DNAJC6: variants seen among roughly 807,000 people sequenced by gnomAD.
DNAJC6 encodes auxilin.
DNAJC6 carries 34 observed loss-of-function variants against 110.0 expected under a neutral mutation model. That is an observed-to-expected ratio of 0.31 (90% CI 0.24 to 0.41). DNAJC6 has a LOEUF of 0.41. DNAJC6 is among the 10% of genes least tolerant of loss of function. The probability of loss-of-function intolerance (pLI) is 1.00; values close to 1 mark genes in which losing one functional copy is unlikely to be tolerated. For missense variants in DNAJC6, 1,031 were observed against 1,207.8 expected, an observed-to-expected ratio of 0.85 and a Z score of 2.17; for synonymous variants, 406 against 437.2, an observed-to-expected ratio of 0.93 and a Z score of 0.89.
intron 1 of DNAJC6, among the ~76,000 whole-genome samples, chr1:65,284,000 G>C (rs1011556533): frequency 1.3e-5 from 2 of 152,032 alleles, no homozygotes; most frequent in African/African-American, 4.8e-5. Flanking sequence ...CCATGACCTT[G>C]ACCTGACTTC....
chr1:65,375,049 C>G lies in DNAJC6; in HGVS notation c.544-4353C>G, dbSNP rs534851502. The stretch of plus-strand genomic sequence containing the variant: ...AGTGATCTTGACTCACTGCAACCTC[C>G]GCCTCCTGGATTCAAGCAGTTCTCC... On this transcript the variant is annotated intron_variant, in intron 4 of 18. Transcript: ENST00000371069. 2.0e-5 allele frequency among the ~76,000 whole-genome samples: 3 copies of G among 151,528 alleles called. No homozygotes were observed. The South Asian group carries it at 6.3e-4, about 32-fold the overall frequency.
intron 1 of DNAJC6, among the ~76,000 whole-genome samples, chr1:65,341,911 G>A (rs1488837178): frequency 1.3e-5 from 2 of 152,116 alleles, no homozygotes; most frequent in South Asian, 2.1e-4. Context: ...TAGCTGGATT[G>A]TAGTTTTCCA....
At chr1:65,289,680 A>G (rs2101221458) in intron 1 of DNAJC6, among the ~76,000 whole-genome samples, 1 of 152,286 alleles carries the variant, frequency 6.6e-6, no homozygotes, top group East Asian at 1.9e-4. Context: ...CAGAACCATA[A>G]GATACAAATA....
intron 1 of DNAJC6, among the ~76,000 whole-genome samples, chr1:65,360,889 G>T (rs759467956): frequency 6.6e-6 from 1 of 152,144 alleles, no homozygotes; most frequent in East Asian, 1.9e-4. Flanking sequence ...GATATCTGCC[G>T]CTGAGAGCAG....
At chr1:65,360,408 G>A (rs1645586442) in intron 1 of DNAJC6, among the ~76,000 whole-genome samples, 1 of 152,134 alleles carries the variant, frequency 6.6e-6, no homozygotes, top group Admixed American at 6.6e-5. Flanking sequence ...GATAATCAAG[G>A]ATATTTATAT....
intron 15 of DNAJC6, 72 bp from the exon 16 acceptor site, chr1:65,405,798 C>T (rs751277078): frequency 3.3e-5 from 49 of 1,501,798 alleles, no homozygotes; most frequent in African/African-American, 2.0e-4. Flanking sequence ...CCACTGCAAA[C>T]AGTGTCTTAA....
chr1:65,381,957 G>A (rs971449122), intron 5 of DNAJC6, among the ~76,000 whole-genome samples: 3 of 152,228 alleles, frequency 2.0e-5, no homozygotes, highest in East Asian at 1.9e-4. Context: ...ACACAATACC[G>A]AAAGCACTTG....
rs901373262 is a variant in DNAJC6 at position 65,324,518 on chromosome 1, T to C, written c.193+14580T>C. Among the ~76,000 whole-genome samples the C allele has an allele frequency of 2.6e-5, 4 of 151,770 alleles. No individual in the cohort carries two copies. The South Asian group carries it at 6.2e-4, about 24-fold the overall frequency. On this transcript the variant is annotated intron_variant, in intron 1 of 18. Coordinates refer to ENST00000371069, the MANE Select transcript of DNAJC6 (RefSeq NM_001256864.2). Reference sequence around the variant, plus strand: ...GGATTATAGGCACCCACCACCATGGTTGGCTAATTTTTGTATTTTTAGTAG... The same window carrying C: ...GGATTATAGGCACCCACCACCATGGCTGGCTAATTTTTGTATTTTTAGTAG...
chr1:65,385,787 G>C lies in DNAJC6; in HGVS notation c.876G>C (p.Ser292=). 1 of 1,614,018 alleles carries C rather than the reference G, an allele frequency of 6.2e-7. No individual in the cohort carries two copies. Among genetic ancestry groups the C allele is most frequent in the Non-Finnish European group, 8.5e-7 (1 of 1,179,966 alleles). Residue 292 remains serine, a synonymous_variant, in exon 7 of 19, where the codon TCG becomes TCC. Transcript: ENST00000371069. ...RPHFKPLTIK[S]ITVSPIPFFN... ...ACTTCAAGCCTCTCACAATTAAGTCGATCACTGTCAGTCCAATACCCTTTT... is the reference window on the plus strand; with the variant it reads ...ACTTCAAGCCTCTCACAATTAAGTCCATCACTGTCAGTCCAATACCCTTTT...
At chr1:65,280,482 C>T (rs1383433458) in intron 1 of DNAJC6, among the ~76,000 whole-genome samples, 1 of 152,080 alleles carries the variant, frequency 6.6e-6, no homozygotes, top group Non-Finnish European at 1.5e-5. Flanking sequence ...CTACTTTTAC[C>T]AGGACAATAT....
chr1:65,364,495 TG>T, intron 1 of DNAJC6, 139 bp from the exon 2 acceptor site: 1 of 1,037,652 alleles, frequency 9.6e-7, no homozygotes, highest in Non-Finnish European at 1.4e-6. Flanking sequence ...GTTCTGAGAG[TG>T]GGACACAATT....
intron 5 of DNAJC6, among the ~76,000 whole-genome samples, chr1:65,382,993 G>A (rs929393186): frequency 1.3e-5 from 2 of 152,184 alleles, no homozygotes; most frequent in African/African-American, 4.8e-5. Context: ...GACTGCCATA[G>A]GAAGAAAGGA....
chr1:65,302,169 ATT>A (rs1644990914), intron 1 of DNAJC6, among the ~76,000 whole-genome samples: 1 of 141,894 alleles, frequency 7.0e-6, no homozygotes, highest in Admixed American at 7.3e-5. Flanking sequence ...TATATATTAT[ATT>A]ATACATTTAT....
At chr1:65,292,679 C>T (rs1406734202) in intron 1 of DNAJC6, among the ~76,000 whole-genome samples, 1 of 152,112 alleles carries the variant, frequency 6.6e-6, no homozygotes, top group Non-Finnish European at 1.5e-5. Context: ...AAGTGATCCT[C>T]CTGCCTTGGC....
chr1:65,382,991 T>C (rs1391286172), intron 5 of DNAJC6, among the ~76,000 whole-genome samples: 1 of 152,138 alleles, frequency 6.6e-6, no homozygotes, highest in East Asian at 1.9e-4. Context: ...AGGACTGCCA[T>C]AGGAAGAAAG....
rs1557547624 is a variant in DNAJC6, at chr1:65,372,860, T to G, written c.544-6542T>G. On this transcript the variant is annotated intron_variant, in intron 4 of 18. Coordinates refer to ENST00000371069, the MANE Select transcript of DNAJC6 (RefSeq NM_001256864.2). ...GAACACTTGAACATTTTTTTCTTTT[T>G]TAAAAATTTGAGTTAAAATATGCAT... is the stretch of plus-strand genomic sequence containing the variant. 2.6e-5 allele frequency among the ~76,000 whole-genome samples: 4 copies of G among 152,330 alleles called. No individual in the cohort carries two copies. In the East Asian group the frequency reaches 5.8e-4, roughly 22 times the overall value.
At chr1:65,376,335 A>AC (rs1645766345) in intron 4 of DNAJC6, among the ~76,000 whole-genome samples, 1 of 151,664 alleles carries the variant, frequency 6.6e-6, no homozygotes, top group Admixed American at 6.6e-5. Flanking sequence ...TTTCAAAAAA[A>AC]ACAACCTTTT....
At chr1:65,338,987 C>T (rs184271630) in intron 1 of DNAJC6, among the ~76,000 whole-genome samples, 16 of 152,276 alleles carry the variant, frequency 1.1e-4, no homozygotes, top group South Asian at 4.2e-4. Flanking sequence ...ATGCCCTCTG[C>T]GTCACATTAT....
intron 1 of DNAJC6, among the ~76,000 whole-genome samples, chr1:65,333,757 C>T (rs17127529): frequency 0.54 from 82,735 of 151,832 alleles, 22,735 homozygotes; most frequent in Non-Finnish European, 0.59. Flanking sequence ...ATGCTCTCTA[C>T]AATGTCCCTC....
Sources: allele counts gnomAD v4.1 joint callset (sites outside exome capture counted in the v4.1 genomes callset), GRCh38; gene constraint gnomAD v4.1.1; transcripts MANE v1.5; gene names NCBI Gene and HGNC (gene_info 2026-07-23, HGNC 2026-07-21).